The following SHC3 variants were observed in gnomAD, a reference collection of about 807,000 sequenced individuals.
The protein encoded by SHC3 is SHC adaptor protein 3.
SHC3 carries 15 observed loss-of-function variants against 60.4 expected under a neutral mutation model. That is an observed-to-expected ratio of 0.25 (90% CI 0.17 to 0.38). SHC3 has a LOEUF of 0.38. SHC3 is among the 10% of genes least tolerant of loss of function. The pLI, the probability that SHC3 is intolerant of heterozygous loss-of-function variation, is 1.00. For missense variants in SHC3, 677 were observed against 786.1 expected, an observed-to-expected ratio of 0.86 and a Z score of 1.66; for synonymous variants, 294 against 325.9, an observed-to-expected ratio of 0.90 and a Z score of 1.05.
chr9:89,168,302 C>A (rs1222764876), intron 1 of SHC3, among the ~76,000 whole-genome samples: 1 of 152,094 alleles, frequency 6.6e-6, no homozygotes, highest in Non-Finnish European at 1.5e-5. Context: ...CCCTTCTCTA[C>A]CAAAAATACA....
At chr9:89,014,166 G>T (rs1197315572) in intron 11 of SHC3, among the ~76,000 whole-genome samples, 1 of 152,186 alleles carries the variant, frequency 6.6e-6, no homozygotes, top group African/African-American at 2.4e-5. Flanking sequence ...AGTGAGCCAG[G>T]CTGGGTCAGA....
chr9:89,153,162 T>C (rs1279308618), intron 1 of SHC3, among the ~76,000 whole-genome samples: 1 of 152,234 alleles, frequency 6.6e-6, no homozygotes, highest in African/African-American at 2.4e-5. Flanking sequence ...ATCATTTATT[T>C]TAAGGGGTCC....
chr9:89,102,465 A>G (rs1044162398), intron 2 of SHC3, among the ~76,000 whole-genome samples: 3 of 152,062 alleles, frequency 2.0e-5, no homozygotes, highest in Non-Finnish European at 4.4e-5. Flanking sequence ...TATTGCTTGT[A>G]TTTTCCTTTT....
intron 11 of SHC3, 110 bp from the exon 12 acceptor site, chr9:89,013,685 G>T (rs187048119): frequency 8.9e-5 from 126 of 1,419,434 alleles, no homozygotes; most frequent in African/African-American, 2.5e-4. Context: ...AGGAAAGGAG[G>T]GGGGGACAAG....
rs1825982573 is a variant in SHC3, at chr9:89,009,076, G to C, written c.*4371C>G. The C allele has an allele frequency of 6.6e-6, 1 of 152,198 alleles. No individual in the cohort carries two copies. The highest frequency in any genetic ancestry group is 2.1e-4 in the South Asian group (1 of 4,828). 9.4% of individuals were successfully genotyped at this position (152,198 alleles called of 1,614,324 possible). A position where few individuals can be genotyped will look rare whatever the true frequency, so the allele number is the denominator to read the frequency against. ...TGCTTGCCATTTCCGTGGGGCAGGG[G>C]GCTAGCTTTACGTGCAGGCCCAGGA... On this transcript the variant is annotated 3_prime_UTR_variant, in exon 12 of 12. Coordinates refer to ENST00000375835, the MANE Select transcript of SHC3 (RefSeq NM_016848.6).
In SHC3 at chr9:89,171,044, T is replaced by C. The variant is rs567908393; in HGVS notation, c.474+6943A>G. On this transcript the variant is annotated intron_variant, in intron 1 of 11. Transcript: ENST00000375835. ...ATCTTCCGGAGGGACAATAAGTCAT[T>C]GTGAAGGGCTGTGTCTTCCAGGCAA... Among the ~76,000 whole-genome samples, 2 of 152,256 alleles carry C rather than the reference T, an allele frequency of 1.3e-5. 1 individual carries two copies. Among genetic ancestry groups the C allele is most frequent in the South Asian group, 4.1e-4 (2 of 4,820 alleles).
At chr9:89,143,806 C>CG (rs1826430058) in intron 1 of SHC3, among the ~76,000 whole-genome samples, 1 of 152,074 alleles carries the variant, frequency 6.6e-6, no homozygotes, top group Admixed American at 6.6e-5. Context: ...TGGCCTTTTT[C>CG]GGGGTTAGTG....
At chr9:89,170,601 G>C (rs1826855176) in intron 1 of SHC3, among the ~76,000 whole-genome samples, 1 of 152,166 alleles carries the variant, frequency 6.6e-6, no homozygotes, top group Admixed American at 6.5e-5. Flanking sequence ...GCCATGATCA[G>C]GCCACTGGAT....
At chr9:89,110,025 C>T (rs1587732576) in intron 2 of SHC3, 3 of 985,438 alleles carry the variant, frequency 3.0e-6, no homozygotes, top group African/African-American at 1.7e-5. Flanking sequence ...CATACACTGA[C>T]ATGAGTGATA....
In SHC3 at chr9:89,011,381, A is replaced by G. The variant is rs1272456387; in HGVS notation, c.*2066T>C. 6.6e-6 allele frequency: 1 copy of G among 152,192 alleles called. No individual in the cohort carries two copies. Among genetic ancestry groups the G allele is most frequent in the African/African-American group, 2.4e-5 (1 of 41,430 alleles). The allele number at this position is 152,192 out of a possible 1,614,324, so 9.4% of individuals were successfully genotyped here. ...CCTAACTTGCATTTCCTACTTTGCT[A>G]TTGTCCCTGAATGTTATAATAGCAT... On this transcript the variant is annotated 3_prime_UTR_variant, in exon 12 of 12. Transcript: ENST00000375835.
chr9:89,035,230 G>A (rs865821039), intron 11 of SHC3, among the ~76,000 whole-genome samples: 3 of 152,122 alleles, frequency 2.0e-5, no homozygotes, highest in South Asian at 2.1e-4. Flanking sequence ...TCAGCCCCAC[G>A]ACCTGGCGTT....
At chr9:89,075,274 A>C in intron 3 of SHC3, 46 bp from the exon 4 acceptor site, 1 of 1,603,788 alleles carries the variant, frequency 6.2e-7, no homozygotes, top group Non-Finnish European at 8.5e-7. Context: ...TTTCCATCTC[A>C]AAGGGTGGGG....
intron 1 of SHC3, among the ~76,000 whole-genome samples, chr9:89,143,982 C>T (rs565485524): frequency 6.6e-6 from 1 of 152,268 alleles, no homozygotes; most frequent in African/African-American, 2.4e-5. Context: ...TGTGGTTTGT[C>T]TCTTGAGCCC....
chr9:89,064,504 C>G (rs774813994), intron 6 of SHC3, among the ~76,000 whole-genome samples: 1 of 152,198 alleles, frequency 6.6e-6, no homozygotes, highest in Non-Finnish European at 1.5e-5. Context: ...TAAACTCCTT[C>G]AGGATCTGGA....
chr9:89,056,269 G>T (rs7030628), intron 6 of SHC3, among the ~76,000 whole-genome samples: 85,616 of 151,930 alleles, frequency 0.56, 25,076 homozygotes, highest in East Asian at 0.98. Context: ...TTTTTGAGAT[G>T]GAGTTTCACT....
rs397893856 is a variant in SHC3 at position 89,057,629 on chromosome 9, C to CA, written c.836-5467dup. Reference sequence around the variant, plus strand: ...CTAGGGAAATTCCTGGACGAGAGCACAAAAAAAAACATATACAAAATATTT... The same window carrying CA: ...CTAGGGAAATTCCTGGACGAGAGCACAAAAAAAAAACATATACAAAATATTT... On this transcript the variant is annotated intron_variant, in intron 6 of 11. Transcript: ENST00000375835. Among the ~76,000 whole-genome samples the CA allele has an allele frequency of 7.4e-3, 1,111 of 149,174 alleles. 5 individuals carry two copies. Among genetic ancestry groups the CA allele is most frequent in the Non-Finnish European group, 0.01 (686 of 67,176 alleles).
At chr9:89,019,972 A>C (rs757157454) in intron 11 of SHC3, among the ~76,000 whole-genome samples, 16 of 152,226 alleles carry the variant, frequency 1.1e-4, no homozygotes, top group Non-Finnish European at 5.9e-5. Context: ...CGAAAGCAAC[A>C]TCTACTCCTA....
chr9:89,115,450 T>C (rs571405741), intron 1 of SHC3, among the ~76,000 whole-genome samples: 4 of 152,274 alleles, frequency 2.6e-5, no homozygotes, highest in African/African-American at 9.6e-5. Flanking sequence ...CAACCGCCAA[T>C]GCTGCAAAAT....
At chr9:89,119,122 T>A (rs1442847869) in intron 1 of SHC3, among the ~76,000 whole-genome samples, 1 of 152,036 alleles carries the variant, frequency 6.6e-6, no homozygotes, top group Admixed American at 6.6e-5. Flanking sequence ...AACTGAGTAG[T>A]TCTAGGTAAC....
Sources: gnomAD v4.1 joint callset for allele counts (sites outside exome capture counted in the v4.1 genomes callset) on GRCh38, gnomAD v4.1.1 for gene constraint, MANE v1.5 for transcripts, NCBI Gene and HGNC (gene_info 2026-07-23, HGNC 2026-07-21) for gene names.